Variants in SLC9A9 observed in about 807,000 individuals in gnomAD.
SLC9A9 encodes the protein solute carrier family 9 member A9.
Under a neutral mutation model 77.8 loss-of-function variants are expected in SLC9A9, and 62 were observed. The ratio of observed to expected loss-of-function variants is 0.80; its 90% CI spans 0.65 to 0.98. The LOEUF (loss-of-function observed/expected upper bound fraction) is 0.98, where lower values mean the gene tolerates loss of function less well. Ranked by LOEUF, SLC9A9 falls within the 50% of genes least tolerant of loss-of-function variation. SLC9A9 has a pLI of 0.00. For missense variants in SLC9A9, 775 were observed against 774.9 expected, an observed-to-expected ratio of 1.00 and a Z score of 0.00; for synonymous variants, 320 against 283.5, an observed-to-expected ratio of 1.13 and a Z score of -1.29.
intron 4 of SLC9A9, among the ~76,000 whole-genome samples, chr3:143,784,135 G>C (rs1258731408): frequency 6.6e-6 from 1 of 152,180 alleles, no homozygotes; most frequent in Non-Finnish European, 1.5e-5. Context: ...ATGGTAAAAA[G>C]ACCAACTGAA....
intron 12 of SLC9A9, among the ~76,000 whole-genome samples, chr3:143,417,466 A>C (rs573933937): frequency 8.2e-6 from 1 of 121,334 alleles, no homozygotes; most frequent in East Asian, 2.7e-4. Flanking sequence ...AGGGGAAGAG[A>C]GGGAAAGGGA....
intron 12 of SLC9A9, among the ~76,000 whole-genome samples, chr3:143,397,808 A>G (rs1576470858): frequency 6.6e-6 from 1 of 152,170 alleles, no homozygotes; most frequent in Non-Finnish European, 1.5e-5. Context: ...CATTCTCTTG[A>G]TGCAAGGAGC....
At chr3:143,751,042 C>T (rs1452631479) in intron 4 of SLC9A9, among the ~76,000 whole-genome samples, 3 of 152,118 alleles carry the variant, frequency 2.0e-5, no homozygotes, top group Non-Finnish European at 4.4e-5. Flanking sequence ...TTCAGGGCTG[C>T]TGGAGAAGAT....
intron 5 of SLC9A9, among the ~76,000 whole-genome samples, chr3:143,688,906 G>A (rs942259298): frequency 5.3e-5 from 8 of 150,948 alleles, no homozygotes; most frequent in African/African-American, 1.9e-4. Context: ...AAAGTCTAAT[G>A]ACTCTACTGG....
chr3:143,725,893 A>T (rs1011363492), intron 4 of SLC9A9, among the ~76,000 whole-genome samples: 6 of 28,530 alleles, frequency 2.1e-4, no homozygotes, highest in East Asian at 0.1. Flanking sequence ...TAATAATAAT[A>T]AAAAAAAGAA....
intron 2 of SLC9A9, among the ~76,000 whole-genome samples, chr3:143,828,332 T>C (rs2009350126): frequency 6.6e-6 from 1 of 152,168 alleles, no homozygotes; most frequent in Admixed American, 6.6e-5. Context: ...CAATTATTTA[T>C]TCATTCATTC....
At chr3:143,285,497 T>C (rs1161375117) in intron 14 of SLC9A9, among the ~76,000 whole-genome samples, 6 of 152,172 alleles carry the variant, frequency 3.9e-5, no homozygotes, top group Non-Finnish European at 5.9e-5. Context: ...GATGTGAACA[T>C]AGGCTGCAGC....
At chr3:143,629,177 A>G (rs1331369368) in intron 6 of SLC9A9, among the ~76,000 whole-genome samples, 1 of 152,188 alleles carries the variant, frequency 6.6e-6, no homozygotes, top group Admixed American at 6.5e-5. Context: ...AAATAAATAA[A>G]TGGCCTGTCC....
At position 143,491,877 on chromosome 3, in the gene SLC9A9, C is replaced by T. The variant is rs900597502; in HGVS notation, c.1315+1776G>A. On this transcript the variant is annotated intron_variant, in intron 11 of 15. Coordinates refer to ENST00000316549, the MANE Select transcript of SLC9A9 (RefSeq NM_173653.4). ...AAAAGTGCTTTCCAATTCCCAGAAA[C>T]GTTTTGAAAAAATGCAACCCAATGC... Among the ~76,000 whole-genome samples, 7 of 152,170 alleles carry T rather than the reference C, an allele frequency of 4.6e-5. No individual in the cohort carries two copies. In the East Asian group the frequency reaches 5.8e-4, roughly 13 times the overall value.
At chr3:143,674,898 T>G (rs79735303) in intron 5 of SLC9A9, among the ~76,000 whole-genome samples, 4,125 of 152,268 alleles carry the variant, frequency 0.027, 168 homozygotes, top group African/African-American at 0.094. Context: ...TGACATTTAC[T>G]CAGAAAAGCA....
intron 6 of SLC9A9, among the ~76,000 whole-genome samples, chr3:143,633,454 G>A (rs908526542): frequency 2.0e-5 from 3 of 152,046 alleles, no homozygotes; most frequent in African/African-American, 7.2e-5. Flanking sequence ...AAATGTCTTA[G>A]AGGTTTTTTC....
At chr3:143,836,712 T>C (rs1368226786) in intron 1 of SLC9A9, among the ~76,000 whole-genome samples, 1 of 152,178 alleles carries the variant, frequency 6.6e-6, no homozygotes, top group African/African-American at 2.4e-5. Flanking sequence ...CATTTTATTA[T>C]CCACATTGAA....
intron 12 of SLC9A9, among the ~76,000 whole-genome samples, chr3:143,413,243 A>G (rs1576480449): frequency 6.6e-6 from 1 of 152,226 alleles, no homozygotes; most frequent in Non-Finnish European, 1.5e-5. Flanking sequence ...GACCCAGCCC[A>G]GAGGTGTGTG....
At chr3:143,718,012 A>T (rs1243366802) in intron 4 of SLC9A9, among the ~76,000 whole-genome samples, 1 of 152,238 alleles carries the variant, frequency 6.6e-6, no homozygotes, top group African/African-American at 2.4e-5. Context: ...CATGTTCAAC[A>T]ACAACTGAAG....
chr3:143,573,235 G>C (rs1436530040), intron 8 of SLC9A9, among the ~76,000 whole-genome samples: 1 of 152,094 alleles, frequency 6.6e-6, no homozygotes, highest in Non-Finnish European at 1.5e-5. Flanking sequence ...CACCGAGGGA[G>C]GTATACCTTG....
chr3:143,334,108 A>T (rs891750467), intron 14 of SLC9A9, among the ~76,000 whole-genome samples: 8 of 152,238 alleles, frequency 5.3e-5, no homozygotes, highest in African/African-American at 9.6e-5. Context: ...ATGCCAATCA[A>T]TTGGAATTCT....
chr3:143,534,258 A>G (rs2036555736), intron 9 of SLC9A9, among the ~76,000 whole-genome samples: 1 of 152,260 alleles, frequency 6.6e-6, no homozygotes, highest in Non-Finnish European at 1.5e-5. Flanking sequence ...AAATTCTAAA[A>G]TGATTTTAAA....
At position 143,265,877 on chromosome 3, in the gene SLC9A9, A is replaced by G. The variant is rs1256256777; in HGVS notation, c.*825T>C. 11 of 605,750 alleles carry G rather than the reference A, an allele frequency of 1.8e-5. No individual in the cohort carries two copies. The highest frequency in any genetic ancestry group is 3.0e-5 in the Non-Finnish European group (10 of 338,168). The allele number at this position is 605,750 out of a possible 1,614,324, so 37.5% of individuals were successfully genotyped here. A position where few individuals can be genotyped will look rare whatever the true frequency, so the allele number is the denominator to read the frequency against. ...CACAGGCTGCAGAATCCTACCCTCC[A>G]GCATATCGCGGGGAGGGGGGGACCT... On this transcript the variant is annotated 3_prime_UTR_variant, in exon 16 of 16. Coordinates refer to ENST00000316549, the MANE Select transcript of SLC9A9 (RefSeq NM_173653.4).
At chr3:143,789,067 T>G (rs2008142014) in intron 4 of SLC9A9, among the ~76,000 whole-genome samples, 1 of 152,182 alleles carries the variant, frequency 6.6e-6, no homozygotes, top group South Asian at 2.1e-4. Flanking sequence ...ATAAATTCAT[T>G]TCTCGACTCT....
Sources: allele counts gnomAD v4.1 joint callset (sites outside exome capture counted in the v4.1 genomes callset), GRCh38; gene constraint gnomAD v4.1.1; transcripts MANE v1.5; gene names NCBI Gene and HGNC (gene_info 2026-07-23, HGNC 2026-07-21).